The following FCHSD2 variants were observed in gnomAD, a reference collection of about 807,000 sequenced individuals.
FCHSD2 encodes FCH and double SH3 domains 2.
A neutral mutation model predicts 108.1 loss-of-function variants in FCHSD2; 38 were observed. The observed-to-expected ratio is 0.35, with a 90% CI of 0.27 to 0.46. The LOEUF is 0.46. Among genes scored for constraint, FCHSD2 ranks in the 20% least tolerant of loss-of-function variants. The probability of loss-of-function intolerance (pLI) is 1.00; values close to 1 mark genes in which losing one functional copy is unlikely to be tolerated. For synonymous variants in FCHSD2, 279 were observed against 314.7 expected, an observed-to-expected ratio of 0.89 and a Z score of 1.20; for missense variants, 751 against 897.8, an observed-to-expected ratio of 0.84 and a Z score of 2.09.
intron 12 of FCHSD2, among the ~76,000 whole-genome samples, chr11:72,882,047 A>G (rs1349690317): frequency 6.6e-6 from 1 of 152,178 alleles, no homozygotes; most frequent in Non-Finnish European, 1.5e-5. Context: ...TGGGAGGCTG[A>G]GGCGGGAGAA....
At chr11:73,139,403 A>C in intron 2 of FCHSD2, among the ~76,000 whole-genome samples, 1 of 152,254 alleles carries the variant, frequency 6.6e-6, no homozygotes, top group East Asian at 1.9e-4. Context: ...AAGATTGTTA[A>C]ATAAGTGGTA....
rs989392795 is a variant in FCHSD2 at position 72,836,862 on chromosome 11, G to A, written c.*1929C>T. The A allele has an allele frequency of 2.6e-5, 4 of 152,524 alleles. No individual in the cohort carries two copies. The highest frequency in any genetic ancestry group is 2.0e-4 in the Admixed American group (3 of 15,270). 9.4% of individuals were successfully genotyped at this position (152,524 alleles called of 1,614,324 possible). A position where few individuals can be genotyped will look rare whatever the true frequency, so the allele number is the denominator to read the frequency against. ...CCCTCCGAGCCCTGACCTGTGCACTGTGGTGCTGGATTCCATATCCTGGAT... is the reference window on the plus strand; with the variant it reads ...CCCTCCGAGCCCTGACCTGTGCACTATGGTGCTGGATTCCATATCCTGGAT... On this transcript the variant is annotated 3_prime_UTR_variant, in exon 20 of 20. Transcript: ENST00000409418.
chr11:73,116,284 C>T (rs1326731563), intron 2 of FCHSD2, among the ~76,000 whole-genome samples: 1 of 152,116 alleles, frequency 6.6e-6, no homozygotes, highest in Non-Finnish European at 1.5e-5. Flanking sequence ...CCACTAGATT[C>T]TATTTAGTAA....
intron 8 of FCHSD2, among the ~76,000 whole-genome samples, chr11:72,966,411 CG>C (rs1205918851): frequency 1.3e-5 from 2 of 152,116 alleles, no homozygotes; most frequent in Non-Finnish European, 2.9e-5. Flanking sequence ...CCTCCTGCTT[CG>C]GCTTCCCAAA....
intron 8 of FCHSD2, among the ~76,000 whole-genome samples, chr11:72,933,582 C>T (rs117962776): frequency 1.9e-3 from 288 of 152,236 alleles, no homozygotes; most frequent in Middle Eastern, 3.4e-3. Flanking sequence ...TGATACCCAA[C>T]TTATATTAGC....
In FCHSD2 at chr11:72,922,855, T is replaced by C. The variant is rs564405351; in HGVS notation, c.706-905A>G. 1.3e-4 allele frequency among the ~76,000 whole-genome samples: 20 copies of C among 152,312 alleles called. No homozygotes were observed. The South Asian group carries it at 2.3e-3, about 17-fold the overall frequency. ...TACAACTCAGTGGCTTTTAGTACAC[T>C]GACAAAGTTGTTTAACAATTTCCAT... On this transcript the variant is annotated intron_variant, in intron 8 of 19. Coordinates refer to ENST00000409418, the MANE Select transcript of FCHSD2 (RefSeq NM_014824.3).
At chr11:72,944,482 A>G (rs1174949016) in intron 8 of FCHSD2, among the ~76,000 whole-genome samples, 1 of 152,204 alleles carries the variant, frequency 6.6e-6, no homozygotes, top group Non-Finnish European at 1.5e-5. Flanking sequence ...CCCTTTGAAA[A>G]CTGGCACAAG....
At chr11:73,058,285 C>G (rs1228648880) in intron 3 of FCHSD2, among the ~76,000 whole-genome samples, 1 of 152,124 alleles carries the variant, frequency 6.6e-6, no homozygotes, top group Admixed American at 6.5e-5. Flanking sequence ...TATTACAGCA[C>G]AGAGAGCTAT....
chr11:73,114,023 G>T (rs1488530083), intron 2 of FCHSD2, among the ~76,000 whole-genome samples: 1 of 152,026 alleles, frequency 6.6e-6, no homozygotes, highest in Non-Finnish European at 1.5e-5. Context: ...CTTTAGGGTG[G>T]CAATTTCCCC....
chr11:72,872,440 T>C (rs1854881715), intron 12 of FCHSD2, among the ~76,000 whole-genome samples: 1 of 152,124 alleles, frequency 6.6e-6, no homozygotes, highest in Non-Finnish European at 1.5e-5. Flanking sequence ...ATTTACCTAT[T>C]GTTCTCCAGC....
intron 8 of FCHSD2, among the ~76,000 whole-genome samples, chr11:72,941,667 A>T (rs1478322802): frequency 6.6e-6 from 1 of 152,162 alleles, no homozygotes; most frequent in African/African-American, 2.4e-5. Context: ...TGTTGCTCAT[A>T]TATGTACGTT....
intron 4 of FCHSD2, among the ~76,000 whole-genome samples, chr11:73,007,803 G>A (rs998488073): frequency 6.6e-6 from 1 of 152,120 alleles, no homozygotes; most frequent in Admixed American, 6.5e-5. Context: ...GAATTAAGTT[G>A]GATGACTGTA....
At chr11:72,892,489 T>C (rs943347836) in intron 10 of FCHSD2, among the ~76,000 whole-genome samples, 1 of 152,238 alleles carries the variant, frequency 6.6e-6, no homozygotes, top group Non-Finnish European at 1.5e-5. Flanking sequence ...ACAAGGTGAA[T>C]ACAGCCCAGG....
chr11:73,107,132 G>T (rs1405681974), intron 2 of FCHSD2, among the ~76,000 whole-genome samples: 1 of 152,120 alleles, frequency 6.6e-6, no homozygotes, highest in East Asian at 1.9e-4. Flanking sequence ...CGCCTCCTGG[G>T]TTTCTTGATT....
Position 72,843,525 on chromosome 11 carries a change from T to C in FCHSD2, c.1451A>G (p.Gln484Arg), listed in dbSNP as rs763295534. 14 of 1,613,166 alleles carry C rather than the reference T, an allele frequency of 8.7e-6. No individual in the cohort carries two copies. Among genetic ancestry groups the C allele is most frequent in the South Asian group, 2.2e-5 (2 of 91,080 alleles). ...CKVVYSYKAS[Q>R]PDELTIEEHE... ...TTCCTCAATGGTCAACTCATCTGGT[T>C]GAGAAGCCTGCAGTGTAGGATGGTC... The change falls in exon 15 of 20, where the codon CAA becomes CGA. Residue 484 changes from glutamine to arginine, a missense_variant. Gln to Arg is a conservative substitution (Grantham distance 43). Coordinates refer to ENST00000409418, the MANE Select transcript of FCHSD2 (RefSeq NM_014824.3).
chr11:73,111,708 T>G (rs781430214), intron 2 of FCHSD2, among the ~76,000 whole-genome samples: 1 of 152,184 alleles, frequency 6.6e-6, no homozygotes, highest in Non-Finnish European at 1.5e-5. Context: ...GAAGGTGATT[T>G]TCTCTGGTGG....
At chr11:73,088,689 AATT>A (rs1397307410) in intron 2 of FCHSD2, among the ~76,000 whole-genome samples, 3 of 152,186 alleles carry the variant, frequency 2.0e-5, no homozygotes, top group Non-Finnish European at 4.4e-5. Context: ...TGGACTAAGA[AATT>A]ATTATGACCA....
At chr11:73,071,487 T>C (rs916615011) in intron 3 of FCHSD2, among the ~76,000 whole-genome samples, 2 of 150,686 alleles carry the variant, frequency 1.3e-5, no homozygotes, top group Admixed American at 6.6e-5. Context: ...GTCAGGAGAT[T>C]GAGACCATCC....
At chr11:73,025,457 T>C (rs534518504) in intron 3 of FCHSD2, among the ~76,000 whole-genome samples, 2 of 151,764 alleles carry the variant, frequency 1.3e-5, no homozygotes, top group South Asian at 2.1e-4. Context: ...CATGCACACA[T>C]AGAGGGGAAC....
Sources: gnomAD v4.1 joint callset for allele counts (sites outside exome capture counted in the v4.1 genomes callset) on GRCh38, gnomAD v4.1.1 for gene constraint, MANE v1.5 for transcripts, NCBI Gene and HGNC (gene_info 2026-07-23, HGNC 2026-07-21) for gene names.